SLC35F4: variants seen among roughly 807,000 people sequenced by gnomAD.
SLC35F4 encodes the protein chromosome 14 open reading frame 36.
SLC35F4 carries 24 observed loss-of-function variants against 44.2 expected under a neutral mutation model. The observed-to-expected ratio is 0.54, with a 90% CI of 0.39 to 0.76. SLC35F4 has a LOEUF of 0.76. SLC35F4 is among the 30% of genes least tolerant of loss of function. The pLI is 0.00. For synonymous variants in SLC35F4, 238 were observed against 223.6 expected (o/e 1.06, Z -0.57); for missense variants, 562 against 586.1 (o/e 0.96, Z 0.42).
intron 3 of SLC35F4, among the ~76,000 whole-genome samples, chr14:57,585,331 C>CCTAT (rs2069625790): frequency 6.6e-6 from 1 of 152,212 alleles, no homozygotes; most frequent in African/African-American, 2.4e-5. Context: ...ATGGATGGAA[C>CCTAT]GTATCTATCT....
chr14:57,829,612 C>T (rs962712221), intron 1 of SLC35F4, among the ~76,000 whole-genome samples: 1 of 152,132 alleles, frequency 6.6e-6, no homozygotes, highest in Non-Finnish European at 1.5e-5. Flanking sequence ...GAGCACAGCC[C>T]TGGCACCAGG....
At chr14:57,716,027 G>A (rs148102162) in intron 1 of SLC35F4, among the ~76,000 whole-genome samples, 1 of 152,320 alleles carries the variant, frequency 6.6e-6, no homozygotes, top group African/African-American at 2.4e-5. Flanking sequence ...ACAGCAGTCA[G>A]AAGTAGTTTA....
At chr14:57,960,814 G>A (rs550710748) in intron 1 of SLC35F4, among the ~76,000 whole-genome samples, 1 of 152,166 alleles carries the variant, frequency 6.6e-6, no homozygotes, top group African/African-American at 2.4e-5. Context: ...AAGTTAGGCT[G>A]ACTACCAAGG....
At chr14:57,841,413 C>T (rs923953973) in intron 1 of SLC35F4, among the ~76,000 whole-genome samples, 1 of 152,034 alleles carries the variant, frequency 6.6e-6, no homozygotes, top group Non-Finnish European at 1.5e-5. Flanking sequence ...ACTAAAATAG[C>T]GATTGTGGAA....
chr14:57,672,223 A>G (rs1326900032), intron 1 of SLC35F4, among the ~76,000 whole-genome samples: 1 of 151,844 alleles, frequency 6.6e-6, no homozygotes, highest in Non-Finnish European at 1.5e-5. Context: ...TTTTCCTGTC[A>G]CCCCTTGTAT....
chr14:57,676,389 A>G (rs1271723868), intron 1 of SLC35F4, among the ~76,000 whole-genome samples: 1 of 152,018 alleles, frequency 6.6e-6, no homozygotes, highest in African/African-American at 2.4e-5. Context: ...ATGAGAACAC[A>G]TGGACGCAGG....
intron 1 of SLC35F4, among the ~76,000 whole-genome samples, chr14:57,844,669 G>C (rs893086536): frequency 6.6e-6 from 1 of 152,146 alleles, no homozygotes; most frequent in Non-Finnish European, 1.5e-5. Context: ...GCAGGAAATA[G>C]AGAATTCTTC....
At chr14:57,875,428 A>G (rs1407420616) in intron 1 of SLC35F4, among the ~76,000 whole-genome samples, 1 of 152,224 alleles carries the variant, frequency 6.6e-6, no homozygotes, top group African/African-American at 2.4e-5. Flanking sequence ...GCTTAAAATA[A>G]CAACCATTTA....
At chr14:57,708,677 G>C (rs1594848863) in intron 1 of SLC35F4, among the ~76,000 whole-genome samples, 1 of 152,132 alleles carries the variant, frequency 6.6e-6, no homozygotes, top group Admixed American at 6.5e-5. Context: ...TAGAAATAAA[G>C]ACACAAGACA....
At chr14:57,648,845 C>T (rs2073659832) in intron 1 of SLC35F4, among the ~76,000 whole-genome samples, 1 of 152,208 alleles carries the variant, frequency 6.6e-6, no homozygotes, top group Non-Finnish European at 1.5e-5. Flanking sequence ...ATTGCATAGA[C>T]TTATACTAGA....
intron 1 of SLC35F4, among the ~76,000 whole-genome samples, chr14:57,667,476 C>G (rs1022457868): frequency 1.4e-5 from 2 of 148,082 alleles, no homozygotes; most frequent in African/African-American, 2.5e-5. Flanking sequence ...TAATGCTATC[C>G]CTCCTCCCTC....
chr14:57,821,858 A>G (rs551349237), intron 1 of SLC35F4, among the ~76,000 whole-genome samples: 2 of 152,328 alleles, frequency 1.3e-5, no homozygotes, highest in South Asian at 4.1e-4. Flanking sequence ...GGAGGCCAGC[A>G]TACAGGAAAT....
intron 2 of SLC35F4, among the ~76,000 whole-genome samples, chr14:57,590,207 A>C (rs1384649989): frequency 6.8e-6 from 1 of 147,878 alleles, no homozygotes; most frequent in Non-Finnish European, 1.5e-5. Context: ...TTGGCCAAGA[A>C]AGAGAGACCT....
intron 1 of SLC35F4, among the ~76,000 whole-genome samples, chr14:57,810,897 G>T (rs565833259): frequency 1.3e-5 from 2 of 152,302 alleles, no homozygotes; most frequent in African/African-American, 4.8e-5. Flanking sequence ...TGAATGTTTT[G>T]TCTAGATTTG....
intron 1 of SLC35F4, among the ~76,000 whole-genome samples, chr14:57,945,967 ATTAT>A (rs1255947945): frequency 1.3e-5 from 2 of 151,152 alleles, no homozygotes; most frequent in African/African-American, 4.9e-5. Context: ...TTTTGATGGG[ATTAT>A]TTGTTTTCTT....
intron 1 of SLC35F4, among the ~76,000 whole-genome samples, chr14:57,665,198 C>T (rs1421917129): frequency 6.6e-6 from 1 of 150,430 alleles, no homozygotes; most frequent in Non-Finnish European, 1.5e-5. Context: ...GAGAAATAGA[C>T]ACCTGTCAGA....
At chr14:57,914,583 C>G (rs62005046) in intron 1 of SLC35F4, among the ~76,000 whole-genome samples, 19 of 152,014 alleles carry the variant, frequency 1.2e-4, no homozygotes, top group African/African-American at 4.1e-4. Context: ...AAAAAAAAAC[C>G]ACAGTCTCTC....
intron 1 of SLC35F4, among the ~76,000 whole-genome samples, chr14:57,684,158 C>T (rs2074996776): frequency 6.6e-6 from 1 of 152,098 alleles, no homozygotes; most frequent in Non-Finnish European, 1.5e-5. Context: ...TTCATACCCT[C>T]CCAGTGCCTT....
chr14:57,695,229 TG>T (rs1844572081), intron 1 of SLC35F4, among the ~76,000 whole-genome samples: 1 of 152,090 alleles, frequency 6.6e-6, no homozygotes, highest in African/African-American at 2.4e-5. Context: ...CAGAATCAAC[TG>T]GCAACCTACA....
Sources: gnomAD v4.1 joint callset for allele counts (sites outside exome capture counted in the v4.1 genomes callset) on GRCh38, gnomAD v4.1.1 for gene constraint, MANE v1.5 for transcripts, NCBI Gene and HGNC (gene_info 2026-07-23, HGNC 2026-07-21) for gene names.